Variants in FREM2 observed in about 807,000 individuals in gnomAD.
FREM2 encodes the protein FRAS1 related extracellular matrix 2.
FREM2 carries 119 observed loss-of-function variants against 219.9 expected under a neutral mutation model. The observed-to-expected ratio is 0.54, with a 90% CI of 0.47 to 0.63. The LOEUF is 0.63. Ranked by LOEUF, FREM2 falls within the 30% of genes least tolerant of loss-of-function variation. FREM2 has a pLI of 0.00. For missense variants in FREM2, 4,030 were observed against 3,993.6 expected, an observed-to-expected ratio of 1.01 and a Z score of -0.25; for synonymous variants, 1,562 against 1,522.8, an observed-to-expected ratio of 1.03 and a Z score of -0.60.
chr13:38,706,019 TTAAC>T (rs779959090), intron 2 of FREM2, among the ~76,000 whole-genome samples: 35 of 152,138 alleles, frequency 2.3e-4, no homozygotes, highest in Non-Finnish European at 3.7e-4. Context: ...TGTAAGTAGT[TTAAC>T]TAATATTTTC....
chr13:38,722,220 T>C (rs1396881855), intron 2 of FREM2, among the ~76,000 whole-genome samples: 1 of 151,992 alleles, frequency 6.6e-6, no homozygotes, highest in Admixed American at 6.6e-5. Flanking sequence ...CCTTCCTTTT[T>C]AAAAAAACAA....
At chr13:38,812,443 T>C (rs146166286) in intron 6 of FREM2, among the ~76,000 whole-genome samples, 450 of 152,306 alleles carry the variant, frequency 3.0e-3, no homozygotes, top group African/African-American at 0.01. Context: ...TTGCTTTTTA[T>C]TTTTTGTGTA....
rs148093594 is a variant in FREM2 at position 38,832,044 on chromosome 13, G to A, written c.6020-14529G>A. 1.7e-3 allele frequency among the ~76,000 whole-genome samples: 253 copies of A among 152,260 alleles called. 1 individual carries two copies. Among genetic ancestry groups the A allele is most frequent in the African/African-American group, 5.9e-3 (246 of 41,562 alleles). On this transcript the variant is annotated intron_variant, in intron 6 of 23. Transcript: ENST00000280481. Reference sequence around the variant, plus strand: ...AAGAAAAGTGAGTAGGCCAGGGACAGTGGCTCACGCCTGTAATCCTACCTG... The same window carrying A: ...AAGAAAAGTGAGTAGGCCAGGGACAATGGCTCACGCCTGTAATCCTACCTG...
chr13:38,812,432 C>G (rs939573462), intron 6 of FREM2, among the ~76,000 whole-genome samples: 1 of 152,104 alleles, frequency 6.6e-6, no homozygotes, highest in Non-Finnish European at 1.5e-5. Flanking sequence ...GCTTTAATGT[C>G]TTGCTTTTTA....
intron 6 of FREM2, among the ~76,000 whole-genome samples, chr13:38,819,884 T>C (rs1875971652): frequency 6.6e-6 from 1 of 152,146 alleles, no homozygotes; most frequent in South Asian, 2.1e-4. Flanking sequence ...CACTTCATAT[T>C]ATACTAGCAG....
At chr13:38,754,642 A>G (rs935356266) in intron 2 of FREM2, among the ~76,000 whole-genome samples, 9 of 152,162 alleles carry the variant, frequency 5.9e-5, no homozygotes, top group Admixed American at 2.0e-4. Context: ...GCGTATTATC[A>G]AAATCACCCT....
In FREM2 at chr13:38,689,761, T is replaced by A; in HGVS notation, c.2417T>A (p.Val806Glu). ...CGAGTGGCCCAGTTCCAGTTCCAGG[T>A]GGAAGACCGAGCTGGGAATGTGGCT... is the stretch of plus-strand genomic sequence containing the variant. ...ATRVAQFQFQVEDRAGNVAPG... is the reference protein window; with the variant it reads ...ATRVAQFQFQEEDRAGNVAPG... The change falls in exon 1 of 24, where the codon GTG becomes GAG. Residue 806 changes from valine (V) to glutamate (E), a missense_variant. Around this residue, in one of 2 missense-constraint regions of FREM2, gnomAD observed 3,102 missense variants for 2,950.7 expected, o/e 1.05. Transcript: ENST00000280481. 6.2e-7 allele frequency: 1 copy of A among 1,613,268 alleles called. No homozygotes were observed. Among genetic ancestry groups the A allele is most frequent in the Non-Finnish European group, 8.5e-7 (1 of 1,179,582 alleles).
intron 6 of FREM2, among the ~76,000 whole-genome samples, chr13:38,818,990 T>C (rs1365359199): frequency 6.6e-6 from 1 of 152,110 alleles, no homozygotes; most frequent in African/African-American, 2.4e-5. Context: ...TGTGTCATTA[T>C]ACAATACAGA....
chr13:38,779,426 A>G (rs1206588367), intron 4 of FREM2: 2 of 150,170 alleles, frequency 1.3e-5, no homozygotes, highest in African/African-American at 2.4e-5. Flanking sequence ...AAAAAAAAGT[A>G]CTCACTTGGG....
At chr13:38,802,615 T>C (rs1026505785) in intron 6 of FREM2, among the ~76,000 whole-genome samples, 1 of 152,216 alleles carries the variant, frequency 6.6e-6, no homozygotes, top group Non-Finnish European at 1.5e-5. Context: ...TCAGCCTGTC[T>C]CTGCCCCTCC....
intron 6 of FREM2, among the ~76,000 whole-genome samples, chr13:38,819,036 T>A (rs1174195811): frequency 1.3e-5 from 2 of 152,190 alleles, no homozygotes; most frequent in East Asian, 3.9e-4. Flanking sequence ...CTCATAAATA[T>A]GGGAAATTAC....
chr13:38,872,724 G>A lies in FREM2; in HGVS notation c.7984-18G>A, dbSNP rs1878202798. On this transcript the variant is annotated intron_variant, in intron 16 of 23. Transcript: ENST00000280481. Reference sequence around the variant, plus strand: ...TTAACACTGAGTCATGTTGATTGATGTAATTTTGTTGTTTTAGGTCCTAAA... The same window carrying A: ...TTAACACTGAGTCATGTTGATTGATATAATTTTGTTGTTTTAGGTCCTAAA... 5 of 1,610,000 alleles carry A rather than the reference G, an allele frequency of 3.1e-6. No individual in the cohort carries two copies. Among genetic ancestry groups the A allele is most frequent in the Middle Eastern group, 1.7e-4 (1 of 6,042 alleles).
Position 38,861,560 on chromosome 13 carries a change from A to T in FREM2, c.7649A>T (p.Asp2550Val). 6.2e-7 allele frequency: 1 copy of T among 1,614,050 alleles called. No homozygotes were observed. The highest frequency in any genetic ancestry group is 8.5e-7 in the Non-Finnish European group (1 of 1,179,986). Residue 2550 changes from aspartate (D) to valine (V), a missense_variant and splice_region_variant, in exon 15 of 24, where the codon GAT (aspartate) becomes GTT (valine). Transcript: ENST00000280481. ...IKLTVTMPHIDGMLPVISTRE... is the reference protein window; with the variant it reads ...IKLTVTMPHIVGMLPVISTRE... ...CTCACTGTCACAATGCCACACATAG[A>T]TGGTAGGTGACTTGGGTAAGCAAAT...
At chr13:38,769,501 G>A (rs1402227256) in intron 3 of FREM2, 77 bp from the exon 4 acceptor site, 2 of 1,325,230 alleles carry the variant, frequency 1.5e-6, no homozygotes, top group East Asian at 2.5e-5. Flanking sequence ...AAAATGACAT[G>A]CAAAAAGTTA....
chr13:38,687,837 G>A lies in FREM2; in HGVS notation c.493G>A (p.Val165Met). 6.4e-7 allele frequency: 1 copy of A among 1,557,886 alleles called. No homozygotes were observed. Among genetic ancestry groups the A allele is most frequent in the African/African-American group, 1.3e-5 (1 of 74,190 alleles). The change falls in exon 1 of 24, where the codon GTG (valine) becomes ATG (methionine). Residue 165 changes from valine to methionine, a missense_variant. This residue lies in a region of FREM2 where 3,102 missense variants were observed against 2,950.7 expected (regional missense o/e 1.05). Transcript: ENST00000280481. ...LRYDAPGGAV[V>M]LPLVLEVEVV... ...CTATGACGCGCCCGGAGGGGCAGTA[G>A]TGCTACCACTGGTACTGGAGGTGGA...
rs1870537410 is a variant in FREM2, at chr13:38,706,291, T to G, written c.5263+8504T>G. Among the ~76,000 whole-genome samples, 3 of 152,246 alleles carry G rather than the reference T, an allele frequency of 2.0e-5. No homozygotes were observed. The South Asian group carries it at 6.2e-4, about 32-fold the overall frequency. On this transcript the variant is annotated intron_variant, in intron 2 of 23. Transcript: ENST00000280481. ...AATCTCTAATACACTGAGCCATAAG[T>G]GGTTGGAGAGATTGATTAAATGCCA... is the stretch of plus-strand genomic sequence containing the variant.
At chr13:38,853,317 GAAAAAAAAAAA>G (rs776640338) in intron 11 of FREM2, among the ~76,000 whole-genome samples, 1 of 56,892 alleles carries the variant, frequency 1.8e-5, no homozygotes, top group Admixed American at 2.0e-4. Flanking sequence ...AACTCCGTCT[GAAAAAAAAAAA>G]AAAAAAAACA....
chr13:38,873,081 T>G, intron 17 of FREM2, 147 bp downstream of exon 17: 1 of 720,820 alleles, frequency 1.4e-6, no homozygotes. Context: ...TTTCACCTTT[T>G]TCATCAAAAA....
chr13:38,858,030 C>T lies in FREM2; in HGVS notation c.7212C>T (p.Ile2404=). 6.2e-7 allele frequency: 1 copy of T among 1,613,010 alleles called. No homozygotes were observed. Among genetic ancestry groups the T allele is most frequent in the Non-Finnish European group, 8.5e-7 (1 of 1,179,086 alleles). The part of the protein sequence containing the change: ...EPMSGYPVIC[I]TACNPKYSDY... ...TGTCTGGCTATCCTGTCATCTGTATCACAGTGAGTAGGAGATTCACAAAAT... is the reference window on the plus strand; with the variant it reads ...TGTCTGGCTATCCTGTCATCTGTATTACAGTGAGTAGGAGATTCACAAAAT... The change falls in exon 13 of 24, where the codon ATC becomes ATT. Residue 2404 remains isoleucine, a synonymous_variant. Transcript: ENST00000280481.
Sources: gnomAD v4.1 joint callset for allele counts (sites outside exome capture counted in the v4.1 genomes callset) on GRCh38, gnomAD v4.1.1 for gene constraint, gnomAD v4.1.1 regional missense constraint, MANE v1.5 for transcripts, NCBI Gene and HGNC (gene_info 2026-07-23, HGNC 2026-07-21) for gene names.